Variants in FLCN observed in about 807,000 individuals in gnomAD.
FLCN encodes the protein BHD skin lesion fibrofolliculoma protein.
A neutral mutation model predicts 62.5 loss-of-function variants in FLCN; 22 were observed. That is an observed-to-expected ratio of 0.35 (90% confidence interval 0.25 to 0.50). FLCN has a LOEUF of 0.50. Among genes scored for constraint, FLCN ranks in the 20% least tolerant of loss-of-function variants. FLCN has a pLI of 0.97. For missense variants in FLCN, 657 were observed against 778.0 expected, an observed-to-expected ratio of 0.84 and a Z score of 1.85; for synonymous variants, 319 against 310.0, an observed-to-expected ratio of 1.03 and a Z score of -0.30.
At position 17,228,093 on chromosome 17, in the gene FLCN, G is replaced by A. The variant is rs773349151; in HGVS notation, c.45C>T (p.Gly15=). 7 of 1,613,370 alleles carry A rather than the reference G, an allele frequency of 4.3e-6. No homozygotes were observed. In the South Asian group the frequency reaches 5.5e-5, roughly 13 times the overall value. The change falls in exon 4 of 14, where the codon GGC becomes GGT. Residue 15 remains glycine, a synonymous_variant. Coordinates refer to ENST00000285071, the MANE Select transcript of FLCN (RefSeq NM_144997.7). Reference sequence around the variant, plus strand: ...CCTCCGTGCAGAAGAGAGTGCGGGGGCCGTGGAGCTCGCAGAAGTGGCAGA... The same window carrying A: ...CCTCCGTGCAGAAGAGAGTGCGGGGACCGTGGAGCTCGCAGAAGTGGCAGA... ...VALCHFCELH[G]PRTLFCTEVL...
chr17:17,227,477 GC>G (rs1410226451), intron 4 of FLCN, among the ~76,000 whole-genome samples: 2 of 152,294 alleles, frequency 1.3e-5, no homozygotes, highest in East Asian at 3.9e-4. Context: ...ACTTTGGGAG[GC>G]CGAGGCAGGT....
At chr17:17,226,027 C>T (rs745915146) in intron 5 of FLCN, 149 bp downstream of exon 5, 2 of 1,121,926 alleles carry the variant, frequency 1.8e-6, no homozygotes, top group Non-Finnish European at 2.6e-6. Flanking sequence ...AGGGAGGCGT[C>T]CTGTACCCTG....
At chr17:17,218,248 T>G (rs1484203970) in intron 9 of FLCN, among the ~76,000 whole-genome samples, 1 of 152,208 alleles carries the variant, frequency 6.6e-6, no homozygotes, top group Non-Finnish European at 1.5e-5. Flanking sequence ...CAGGCACACA[T>G]GTACATACAT....
intron 13 of FLCN, among the ~76,000 whole-genome samples, chr17:17,214,079 G>A (rs1323214403): frequency 1.3e-5 from 2 of 152,124 alleles, no homozygotes; most frequent in Admixed American, 6.5e-5. Flanking sequence ...GCCCTCTGTC[G>A]GGTATGGGTA....
intron 7 of FLCN, 81 bp downstream of exon 7, chr17:17,222,420 C>T (rs1423050760): frequency 1.9e-6 from 3 of 1,596,574 alleles, no homozygotes; most frequent in Non-Finnish European, 2.6e-6. Context: ...GGACTGTTCT[C>T]CCAAATCCAT....
At chr17:17,233,091 A>C (rs1317202061) in intron 1 of FLCN, among the ~76,000 whole-genome samples, 190 bp from the exon 2 acceptor site, 1 of 152,140 alleles carries the variant, frequency 6.6e-6, no homozygotes, top group Non-Finnish European at 1.5e-5. Context: ...ATTTTAGCTG[A>C]ACTCTTGCAC....
chr17:17,213,432 G>A lies in FLCN; in HGVS notation c.*223C>T, dbSNP rs76272341. ...CACAGAGAGAGCCCATCATCCCTCC[G>A]CCTTTCATTGCCATCTTCAGCGATT... On this transcript the variant is annotated 3_prime_UTR_variant, in exon 14 of 14. Coordinates refer to ENST00000285071, the MANE Select transcript of FLCN (RefSeq NM_144997.7). 968 of 627,906 alleles carry A rather than the reference G, an allele frequency of 1.5e-3. 10 individuals are homozygous for A. The African/African-American group carries it at 0.016, about 10-fold the overall frequency. The allele number at this position is 627,906 out of a possible 1,614,324, so 38.9% of individuals were successfully genotyped here.
rs2046878030 is a variant in FLCN at position 17,215,226 on chromosome 17, T to C, written c.1391A>G (p.Glu464Gly). The change falls in exon 12 of 14, where the codon GAG (glutamate) becomes GGG (glycine). Residue 464 changes from glutamate (E) to glycine (G), a missense_variant. Transcript: ENST00000285071. ...AGGGCTCCCACTGGTCACCACAAACTCGTACTTGCTGAGAGACTGGTCATC... is the reference window on the plus strand; with the variant it reads ...AGGGCTCCCACTGGTCACCACAAACCCGTACTTGCTGAGAGACTGGTCATC... ...CEDDQSLSKY[E>G]FVVTSGSPVA... 6.2e-7 allele frequency: 1 copy of C among 1,614,112 alleles called. No homozygotes were observed. The highest frequency in any genetic ancestry group is 8.5e-7 in the Non-Finnish European group (1 of 1,180,014).
rs1203463945 is a variant in FLCN at position 17,221,454 on chromosome 17, C to T, written c.871+83G>A. 8.1e-6 allele frequency: 13 copies of T among 1,614,080 alleles called. No individual in the cohort carries two copies. In the East Asian group the frequency reaches 8.9e-5, roughly 11 times the overall value. On this transcript the variant is annotated intron_variant, in intron 8 of 13. Coordinates refer to ENST00000285071, the MANE Select transcript of FLCN (RefSeq NM_144997.7). ...TCAGAGCCGCGTTTCCCTCCCTCAG[C>T]GATTCCTGCCAGGAGAGCAGACAGC...
intron 5 of FLCN, 63 bp from the exon 6 acceptor site, chr17:17,224,206 C>T (rs1241680757): frequency 1.4e-6 from 2 of 1,428,190 alleles, no homozygotes; most frequent in East Asian, 5.0e-5. Context: ...ATCAAAGCCT[C>T]TTCTTCAGAC....
At chr17:17,226,028 C>T (rs772253454) in intron 5 of FLCN, 148 bp downstream of exon 5, 2 of 1,130,342 alleles carry the variant, frequency 1.8e-6, no homozygotes, top group South Asian at 1.3e-5. Context: ...GGGAGGCGTC[C>T]TGTACCCTGT....
rs1597612898 is a variant in FLCN, at chr17:17,226,245, G to A, written c.327C>T (p.His109=). The part of the protein sequence containing the change: ...DKETSIKYVS[H]QHPSHPQLFS... Reference sequence around the variant, plus strand: ...AGAGCTGGGGGTGGCTGGGGTGCTGGTGGCTGACGTATTTAATGGAGGTCT... The same window carrying A: ...AGAGCTGGGGGTGGCTGGGGTGCTGATGGCTGACGTATTTAATGGAGGTCT... The change falls in exon 5 of 14, where the codon CAC becomes CAT. Residue 109 remains histidine, a synonymous_variant. Coordinates refer to ENST00000285071, the MANE Select transcript of FLCN (RefSeq NM_144997.7). The A allele has an allele frequency of 1.9e-6, 3 of 1,614,198 alleles. No homozygotes were observed. Among genetic ancestry groups the A allele is most frequent in the Non-Finnish European group, 2.5e-6 (3 of 1,180,054 alleles).
chr17:17,235,506 A>C (rs1044222207), intron 1 of FLCN: 1 of 152,072 alleles, frequency 6.6e-6, no homozygotes, highest in African/African-American at 2.4e-5. Context: ...GAGAGCTCTG[A>C]CTCTGACTCC....
chr17:17,217,256 T>C (rs2046955134), intron 9 of FLCN, 74 bp from the exon 10 acceptor site: 1 of 1,020,838 alleles, frequency 9.8e-7, no homozygotes, highest in Non-Finnish European at 1.5e-6. Flanking sequence ...TGAAGTTATT[T>C]GTGTGTTCAT....
intron 1 of FLCN, 68 bp from the exon 2 acceptor site, chr17:17,232,969 T>C (rs1006840080): frequency 5.9e-5 from 9 of 152,102 alleles, no homozygotes; most frequent in African/African-American, 2.2e-4. Flanking sequence ...TGAAAAATAA[T>C]GGGAGCAGCT....
chr17:17,226,185 C>G lies in FLCN; in HGVS notation c.387G>C (p.Leu129=), dbSNP rs2047241920. The G allele has an allele frequency of 6.2e-7, 1 of 1,613,974 alleles. No individual in the cohort carries two copies. Among genetic ancestry groups the G allele is most frequent in the Non-Finnish European group, 8.5e-7 (1 of 1,180,018 alleles). Residue 129 remains leucine (L), a synonymous_variant, in exon 5 of 14, where the codon CTG becomes CTC. Coordinates refer to ENST00000285071, the MANE Select transcript of FLCN (RefSeq NM_144997.7). The part of the protein sequence containing the change: ...SIVRQACVRS[L]SCEVCPGREG... ...TGGCCACAAGGCTCACCTCACAGCT[C>G]AGGCTCCGGACACAGGCCTGGCGGA...
At chr17:17,227,347 C>T (rs538260572) in intron 4 of FLCN, among the ~76,000 whole-genome samples, 6 of 151,434 alleles carry the variant, frequency 4.0e-5, no homozygotes, top group African/African-American at 1.2e-4. Context: ...ACTTTGGGGA[C>T]CCGCCTCCAG....
rs1395211733 is a variant in FLCN at position 17,216,511 on chromosome 17, G to C, written c.1177-8C>G. Reference sequence around the variant, plus strand: ...GCCCACGGGAAGCATGGTCTGAGGAGGACAGCAGGACTCAGACCAAGGACA... The same window carrying C: ...GCCCACGGGAAGCATGGTCTGAGGACGACAGCAGGACTCAGACCAAGGACA... On this transcript the variant is annotated splice_region_variant and splice_polypyrimidine_tract_variant and intron_variant, in intron 10 of 13. Coordinates refer to ENST00000285071, the MANE Select transcript of FLCN (RefSeq NM_144997.7). The surrounding 1 kb of genome is among the most constrained non-coding windows in gnomAD (Gnocchi z 4.0). 6.2e-7 allele frequency: 1 copy of C among 1,613,494 alleles called. No homozygotes were observed. The highest frequency in any genetic ancestry group is 8.5e-7 in the Non-Finnish European group (1 of 1,179,900).
chr17:17,216,652 A>G lies in FLCN; in HGVS notation c.1177-149T>C. 7.8e-7 allele frequency: 1 copy of G among 1,275,710 alleles called. No individual in the cohort carries two copies. Among genetic ancestry groups the G allele is most frequent in the Admixed American group, 2.1e-5 (1 of 48,602 alleles). The allele number at this position is 1,275,710 out of a possible 1,614,324, so 79.0% of individuals were successfully genotyped here. On this transcript the variant is annotated intron_variant, in intron 10 of 13. Coordinates refer to ENST00000285071, the MANE Select transcript of FLCN (RefSeq NM_144997.7). This position sits in a 1 kb window ranked among gnomAD's most constrained non-coding sequence, Gnocchi z 4.0. ...AGGAGTCCCCAGACTCTCAGCCCAC[A>G]GTGGGGGTGAGGGGGGAGGGTCCTC...
Sources: allele counts gnomAD v4.1 joint callset (sites outside exome capture counted in the v4.1 genomes callset), GRCh38; gene constraint gnomAD v4.1.1; non-coding constraint Gnocchi (gnomAD v3.1); transcripts MANE v1.5; gene names NCBI Gene and HGNC (gene_info 2026-07-23, HGNC 2026-07-21).